Variants in ZRANB1 observed in about 807,000 individuals in gnomAD.
The protein encoded by ZRANB1 is zinc finger RANBP2-type containing 1, also known as ubiquitin thioesterase ZRANB1.
Under a neutral mutation model 80.5 loss-of-function variants are expected in ZRANB1, and 16 were observed. The ratio of observed to expected loss-of-function variants is 0.20; its 90% confidence interval spans 0.13 to 0.30. The LOEUF is 0.30. ZRANB1 is among the 10% of genes least tolerant of loss of function. The pLI, the probability that ZRANB1 is intolerant of heterozygous loss-of-function variation, is 1.00. For synonymous variants in ZRANB1, 291 were observed against 293.1 expected, an observed-to-expected ratio of 0.99 and a Z score of 0.07; for missense variants, 576 against 862.6, an observed-to-expected ratio of 0.67 and a Z score of 4.16.
intron 2 of ZRANB1, among the ~76,000 whole-genome samples, chr10:124,971,104 C>T (rs938778213): frequency 3.9e-5 from 6 of 152,078 alleles, no homozygotes; most frequent in Non-Finnish European, 4.4e-5. Flanking sequence ...GGATCACAGG[C>T]GTGAGCCATT....
chr10:124,984,991 GAAAAA>G lies in ZRANB1; in HGVS notation c.*5_*9del. 6.6e-6 allele frequency: 10 copies of G among 1,522,158 alleles called. No individual in the cohort carries two copies. The highest frequency in any genetic ancestry group is 8.9e-6 in the Non-Finnish European group (10 of 1,118,330). 94.3% of individuals were successfully genotyped at this position (1,522,158 alleles called of 1,614,324 possible). ...GAAGATGAGGATGATGAAGATGAATGAAAAAAAAAATCAAACAGCAGAAGACCAAG... is the reference window on the plus strand; with the variant it reads ...GAAGATGAGGATGATGAAGATGAATGAAAAATCAAACAGCAGAAGACCAAG... On this transcript the variant is annotated stop_retained_variant and 3_prime_UTR_variant, in exon 9 of 9. Transcript: ENST00000359653.
chr10:124,946,764 T>A (rs1355383375), intron 1 of ZRANB1, among the ~76,000 whole-genome samples: 1 of 152,160 alleles, frequency 6.6e-6, no homozygotes, highest in African/African-American at 2.4e-5. Flanking sequence ...CTTGTTTACA[T>A]TGTGTTGGGT....
the ZRANB1 span, among the ~76,000 whole-genome samples, chr10:124,918,833 A>G: frequency 8.5e-5 from 13 of 152,352 alleles, no homozygotes; most frequent in African/African-American, 2.6e-4. Context: ...CTAAAATTTC[A>G]TAACATTGTT....
intron 1 of ZRANB1, among the ~76,000 whole-genome samples, chr10:124,955,232 T>G (rs11245443): frequency 5.0e-4 from 71 of 143,406 alleles, no homozygotes; most frequent in Admixed American, 9.7e-4. Flanking sequence ...GGTTTTTTTT[T>G]GTTTTTTTTT....
At chr10:124,956,182 TTC>T (rs1331800730) in intron 1 of ZRANB1, among the ~76,000 whole-genome samples, 2 of 152,218 alleles carry the variant, frequency 1.3e-5, no homozygotes, top group Admixed American at 1.3e-4. Flanking sequence ...AGTAACGGCT[TTC>T]ATTTAAAAAA....
intron 1 of ZRANB1, among the ~76,000 whole-genome samples, chr10:124,943,871 A>G (rs1367509142): frequency 6.6e-6 from 1 of 152,234 alleles, no homozygotes; most frequent in Non-Finnish European, 1.5e-5. Context: ...TGATGATAGA[A>G]GCTTTAGTCA....
Position 124,942,703 on chromosome 10 carries a change from T to C in ZRANB1, c.210T>C (p.Ser70=), listed in dbSNP as rs1189169890. Reference sequence around the variant, plus strand: ...GTAGTCCTTTGATATGTCCAGACTCTAGTGCAAGACCAAGGGTGAAATCTT... The same window carrying C: ...GTAGTCCTTTGATATGTCCAGACTCCAGTGCAAGACCAAGGGTGAAATCTT... ...GGSSPLICPD[S]SARPRVKSSY... Residue 70 remains serine, a synonymous_variant, in exon 1 of 9, where the codon TCT becomes TCC. Transcript: ENST00000359653. The C allele has an allele frequency of 1.2e-6, 2 of 1,614,168 alleles. No individual in the cohort carries two copies. The highest frequency in any genetic ancestry group is 1.7e-6 in the Non-Finnish European group (2 of 1,179,972).
upstream of ZRANB1, among the ~76,000 whole-genome samples, chr10:124,941,228 AG>A (rs1425905848): frequency 6.6e-6 from 1 of 152,112 alleles, no homozygotes; most frequent in Non-Finnish European, 1.5e-5. Context: ...TTGTTATGTA[AG>A]TTGCTTCATT....
At chr10:124,920,414 A>T in the ZRANB1 span, among the ~76,000 whole-genome samples, 16 of 152,276 alleles carry the variant, frequency 1.1e-4, no homozygotes, top group African/African-American at 3.9e-4. Flanking sequence ...CACAACATAA[A>T]GACTTAGAGA....
At position 124,986,181 on chromosome 10, in the gene ZRANB1, A is replaced by T. The variant is rs1952029476; in HGVS notation, c.*1189A>T. 6.6e-6 allele frequency: 1 copy of T among 152,578 alleles called. No homozygotes were observed. The highest frequency in any genetic ancestry group is 6.6e-5 in the Admixed American group (1 of 15,264). The allele number at this position is 152,578 out of a possible 1,614,324, so 9.5% of individuals were successfully genotyped here. A position where few individuals can be genotyped will look rare whatever the true frequency, so the allele number is the denominator to read the frequency against. On this transcript the variant is annotated 3_prime_UTR_variant, in exon 9 of 9. Coordinates refer to ENST00000359653, the MANE Select transcript of ZRANB1 (RefSeq NM_017580.3). ...GGTATACATTCAATACTGGGTAAAAATTTCAGACCTATCTCAGGAACACAG... is the reference window on the plus strand; with the variant it reads ...GGTATACATTCAATACTGGGTAAAATTTTCAGACCTATCTCAGGAACACAG...
intron 1 of ZRANB1, among the ~76,000 whole-genome samples, chr10:124,954,530 C>G (rs1951673505): frequency 6.6e-6 from 1 of 150,816 alleles, no homozygotes; most frequent in African/African-American, 2.4e-5. Flanking sequence ...TCACTGCAAC[C>G]TCTACCTTCT....
chr10:124,985,147 A>AGAT lies in ZRANB1; in HGVS notation c.*156_*158dup. On this transcript the variant is annotated 3_prime_UTR_variant, in exon 9 of 9. Transcript: ENST00000359653. ...TTCCTGGACCACACACACCTTATGG[A>AGAT]GATAATGCCTCTGCTGCGTGAGGAG... 1.7e-6 allele frequency: 1 copy of AGAT among 587,698 alleles called. No homozygotes were observed. The allele number at this position is 587,698 out of a possible 1,614,324, so 36.4% of individuals were successfully genotyped here. A position where few individuals can be genotyped will look rare whatever the true frequency, so the allele number is the denominator to read the frequency against.
chr10:124,967,087 A>G (rs1951783180), intron 2 of ZRANB1, among the ~76,000 whole-genome samples: 1 of 152,192 alleles, frequency 6.6e-6, no homozygotes, highest in African/African-American at 2.4e-5. Flanking sequence ...GCCATGCACT[A>G]GGCTGAGAAG....
chr10:124,982,113 G>C (rs1589857096), intron 6 of ZRANB1, among the ~76,000 whole-genome samples: 1 of 152,352 alleles, frequency 6.6e-6, no homozygotes, highest in African/African-American at 2.4e-5. Flanking sequence ...ATCAAAAAGT[G>C]AAAGCTGTGC....
intron 1 of ZRANB1, among the ~76,000 whole-genome samples, chr10:124,961,926 A>G (rs1293588140): frequency 6.6e-6 from 1 of 152,176 alleles, no homozygotes; most frequent in Non-Finnish European, 1.5e-5. Flanking sequence ...ACTTGTTGCT[A>G]TTATTATGTG....
At chr10:124,936,101 C>T in the ZRANB1 span, among the ~76,000 whole-genome samples, 1 of 152,092 alleles carries the variant, frequency 6.6e-6, no homozygotes, top group Non-Finnish European at 1.5e-5. Context: ...TAAGGCAGTA[C>T]CTTCATGTGT....
chr10:124,938,015 A>G (rs970997877), upstream of ZRANB1, among the ~76,000 whole-genome samples: 2 of 152,246 alleles, frequency 1.3e-5, no homozygotes, highest in African/African-American at 4.8e-5. Context: ...GTCCTTGGAT[A>G]GAATTTGCAA....
intron 8 of ZRANB1, chr10:124,984,508 T>C (rs993144702): frequency 3.6e-5 from 15 of 413,846 alleles, no homozygotes; most frequent in African/African-American, 2.8e-4. Flanking sequence ...AGGACATTTG[T>C]TTTTTATTTT....
intron 1 of ZRANB1, among the ~76,000 whole-genome samples, chr10:124,959,183 A>C (rs1951710486): frequency 6.6e-6 from 1 of 152,204 alleles, no homozygotes; most frequent in Non-Finnish European, 1.5e-5. Context: ...TAATCTCATT[A>C]GGAGATTTGG....
Sources: gnomAD v4.1 joint callset for allele counts (sites outside exome capture counted in the v4.1 genomes callset) on GRCh38, gnomAD v4.1.1 for gene constraint, MANE v1.5 for transcripts, NCBI Gene and HGNC (gene_info 2026-07-23, HGNC 2026-07-21) for gene names.